Variants in PRR16 observed in about 807,000 individuals in gnomAD.
PRR16 encodes proline rich 16.
A neutral mutation model predicts 18.2 loss-of-function variants in PRR16; 6 were observed. The ratio of observed to expected loss-of-function variants is 0.33; its 90% confidence interval spans 0.18 to 0.65. The LOEUF (loss-of-function observed/expected upper bound fraction) is 0.65, where lower values mean the gene tolerates loss of function less well. PRR16 is among the 30% of genes least tolerant of loss of function. PRR16 has a pLI of 0.74. For missense variants in PRR16, 412 were observed against 376.6 expected (o/e 1.09, Z -0.78); for synonymous variants, 151 against 147.8 (o/e 1.02, Z -0.16).
chr5:120,787,159 T>G, the PRR16 span, among the ~76,000 whole-genome samples: 1 of 152,182 alleles, frequency 6.6e-6, no homozygotes, highest in Non-Finnish European at 1.5e-5. Flanking sequence ...CTTATTTAAC[T>G]TGTATAACAG....
chr5:120,578,676 T>C (rs767919510), intron 1 of PRR16, among the ~76,000 whole-genome samples: 10 of 152,230 alleles, frequency 6.6e-5, no homozygotes, highest in Non-Finnish European at 1.5e-4. Context: ...GTTCCATGTA[T>C]TTGCTACTGT....
chr5:120,482,000 A>G (rs1393180398), intron 1 of PRR16, among the ~76,000 whole-genome samples: 1 of 152,060 alleles, frequency 6.6e-6, no homozygotes, highest in South Asian at 2.1e-4. Context: ...GAAATTTAGC[A>G]TGGGAGCAGA....
intron 1 of PRR16, among the ~76,000 whole-genome samples, chr5:120,488,205 A>G (rs1481471786): frequency 6.6e-6 from 1 of 152,172 alleles, no homozygotes; most frequent in African/African-American, 2.4e-5. Context: ...GTTGATTGGA[A>G]TAGTTTCAGA....
the PRR16 span, among the ~76,000 whole-genome samples, chr5:120,724,945 C>A: frequency 6.6e-6 from 1 of 151,892 alleles, no homozygotes; most frequent in Non-Finnish European, 1.5e-5. Flanking sequence ...AGTATAATTT[C>A]AGTAGCAATA....
At chr5:120,741,916 A>T in the PRR16 span, among the ~76,000 whole-genome samples, 1 of 152,086 alleles carries the variant, frequency 6.6e-6, no homozygotes, top group South Asian at 2.1e-4. Context: ...GGGTTTTTAT[A>T]GATACTATAA....
the PRR16 span, among the ~76,000 whole-genome samples, chr5:120,742,752 G>C: frequency 2.0e-5 from 3 of 152,098 alleles, no homozygotes; most frequent in Admixed American, 6.5e-5. Context: ...TTTGTTAAAA[G>C]CTCTGGACCC....
intron 1 of PRR16, among the ~76,000 whole-genome samples, chr5:120,556,916 C>T (rs1356912818): frequency 6.6e-6 from 1 of 151,376 alleles, no homozygotes; most frequent in East Asian, 1.9e-4. Context: ...CTGAGAGTTC[C>T]CATAAATAAC....
intron 1 of PRR16, among the ~76,000 whole-genome samples, chr5:120,612,417 A>AATTGTATCTCCCAG (rs1372098790): frequency 2.6e-5 from 4 of 152,134 alleles, no homozygotes; most frequent in Non-Finnish European, 4.4e-5. Context: ...TCTCAACTTG[A>AATTGTATCTCCCAG]ATTGTATCTC....
At chr5:120,643,661 G>A (rs778093725) in intron 1 of PRR16, among the ~76,000 whole-genome samples, 14 of 152,014 alleles carry the variant, frequency 9.2e-5, no homozygotes, top group Non-Finnish European at 2.1e-4. Context: ...GTTCCAGATA[G>A]GACCTCAGTA....
intron 1 of PRR16, among the ~76,000 whole-genome samples, chr5:120,571,145 C>G (rs1301915126): frequency 6.6e-6 from 1 of 152,044 alleles, no homozygotes; most frequent in Non-Finnish European, 1.5e-5. Flanking sequence ...GAATTTTATT[C>G]CTGTAAAAAC....
the PRR16 span, among the ~76,000 whole-genome samples, chr5:120,718,477 C>T: frequency 2.0e-5 from 3 of 152,076 alleles, no homozygotes; most frequent in African/African-American, 7.2e-5. Context: ...CATGCAGACT[C>T]CAAAGTCTCC....
chr5:120,597,242 G>C (rs1753843867), intron 1 of PRR16, among the ~76,000 whole-genome samples: 1 of 151,294 alleles, frequency 6.6e-6, no homozygotes, highest in Non-Finnish European at 1.5e-5. Context: ...CCATTCTATT[G>C]GTTGTTTTTA....
the PRR16 span, among the ~76,000 whole-genome samples, chr5:120,749,423 G>A: frequency 6.6e-6 from 1 of 152,010 alleles, no homozygotes; most frequent in Non-Finnish European, 1.5e-5. Context: ...TGCTACCTGA[G>A]CTTGAGTATG....
chr5:120,706,750 A>G, the PRR16 span, among the ~76,000 whole-genome samples: 7,703 of 152,316 alleles, frequency 0.051, 250 homozygotes, highest in Middle Eastern at 0.17. Flanking sequence ...GATTTTATTC[A>G]AATTGTTTCA....
intron 1 of PRR16, among the ~76,000 whole-genome samples, chr5:120,669,882 G>A (rs536098363): frequency 6.6e-6 from 1 of 151,814 alleles, no homozygotes; most frequent in South Asian, 2.1e-4. Flanking sequence ...GAACACTGGG[G>A]GCTTTGATTT....
chr5:120,719,351 T>G, the PRR16 span, among the ~76,000 whole-genome samples: 1 of 152,052 alleles, frequency 6.6e-6, no homozygotes, highest in African/African-American at 2.4e-5. Flanking sequence ...AGATAAATTG[T>G]AGAAAATATT....
At chr5:120,580,455 T>G (rs980040174) in intron 1 of PRR16, among the ~76,000 whole-genome samples, 46 of 69,080 alleles carry the variant, frequency 6.7e-4, no homozygotes, top group African/African-American at 2.0e-3. Context: ...TTTTGAATTT[T>G]TTTTTTTTTT....
chr5:120,631,741 G>A (rs1755060923), intron 1 of PRR16, among the ~76,000 whole-genome samples: 1 of 152,038 alleles, frequency 6.6e-6, no homozygotes, highest in South Asian at 2.1e-4. Context: ...CGACCTGATG[G>A]TCTGCCTCTA....
intron 1 of PRR16, among the ~76,000 whole-genome samples, chr5:120,634,808 C>T (rs553551306): frequency 6.6e-6 from 1 of 151,812 alleles, no homozygotes; most frequent in Non-Finnish European, 1.5e-5. Flanking sequence ...AACAAAAATA[C>T]AACAGATCAA....
Sources: gnomAD v4.1 joint callset for allele counts (sites outside exome capture counted in the v4.1 genomes callset) on GRCh38, gnomAD v4.1.1 for gene constraint, MANE v1.5 for transcripts, NCBI Gene and HGNC (gene_info 2026-07-23, HGNC 2026-07-21) for gene names.